Variants in PIAS2 observed in about 807,000 individuals in gnomAD.
PIAS2 encodes E3 SUMO-protein ligase PIAS2.
A neutral mutation model predicts 69.7 loss-of-function variants in PIAS2; 19 were observed. The ratio of observed to expected loss-of-function variants is 0.27; its 90% confidence interval spans 0.19 to 0.40. PIAS2 has a LOEUF of 0.40. Among genes scored for constraint, PIAS2 ranks in the 10% least tolerant of loss-of-function variants. PIAS2 has a pLI of 1.00. For synonymous variants in PIAS2, 261 were observed against 263.2 expected, an observed-to-expected ratio of 0.99 and a Z score of 0.08; for missense variants, 624 against 757.0, an observed-to-expected ratio of 0.82 and a Z score of 2.06.
At chr18:46,900,785 C>T (rs1015334145) in intron 1 of PIAS2, among the ~76,000 whole-genome samples, 3 of 151,680 alleles carry the variant, frequency 2.0e-5, no homozygotes, top group Non-Finnish European at 4.4e-5. Context: ...ACCAGCCTGG[C>T]CAAGATGGTG....
At chr18:46,904,271 C>T (rs1488722234) in intron 1 of PIAS2, 1 of 151,986 alleles carries the variant, frequency 6.6e-6, no homozygotes, top group African/African-American at 2.4e-5. Flanking sequence ...TGCAAGTGAA[C>T]TGACAATTAT....
chr18:46,910,699 G>T (rs2057162503), intron 1 of PIAS2, among the ~76,000 whole-genome samples: 1 of 152,200 alleles, frequency 6.6e-6, no homozygotes, highest in Non-Finnish European at 1.5e-5. Flanking sequence ...AAATCCCGTA[G>T]ATCGTAGACT....
At chr18:46,889,496 T>C (rs78823612) in intron 2 of PIAS2, among the ~76,000 whole-genome samples, 109 of 152,120 alleles carry the variant, frequency 7.2e-4, no homozygotes, top group African/African-American at 2.5e-3. Context: ...ATCACCATCA[T>C]TACAGACATG....
Position 46,835,672 on chromosome 18 carries a change from A to G in PIAS2, c.1202+685T>C, listed in dbSNP as rs117218470. 1.6e-3 allele frequency among the ~76,000 whole-genome samples: 246 copies of G among 152,296 alleles called. 1 individual carries two copies. Among genetic ancestry groups the G allele is most frequent in the Non-Finnish European group, 3.0e-3 (204 of 68,022 alleles). On this transcript the variant is annotated intron_variant, in intron 9 of 13. Coordinates refer to ENST00000585916, the MANE Select transcript of PIAS2 (RefSeq NM_004671.5). Reference sequence around the variant, plus strand: ...TATATTGAGTAAAAATCATATGTATATATTAATATAAATCATTACATAAAG... The same window carrying G: ...TATATTGAGTAAAAATCATATGTATGTATTAATATAAATCATTACATAAAG...
At chr18:46,828,405 C>A (rs1431397190) in intron 10 of PIAS2, among the ~76,000 whole-genome samples, 1 of 152,192 alleles carries the variant, frequency 6.6e-6, no homozygotes, top group Non-Finnish European at 1.5e-5. Flanking sequence ...TCCAATACCA[C>A]TGAAGGATTT....
intron 2 of PIAS2, among the ~76,000 whole-genome samples, chr18:46,889,671 C>T (rs540762793): frequency 6.6e-6 from 1 of 152,248 alleles, no homozygotes; most frequent in South Asian, 2.1e-4. Flanking sequence ...TATGGTGATG[C>T]CTCAAAATAC....
rs1218284156 is a variant in PIAS2 at position 46,809,144 on chromosome 18, A to G, written c.*3289T>C. The G allele has an allele frequency of 6.6e-6, 1 of 152,216 alleles. No individual in the cohort carries two copies. Among genetic ancestry groups the G allele is most frequent in the Non-Finnish European group, 1.5e-5 (1 of 68,048 alleles). The allele number at this position is 152,216 out of a possible 1,614,324, so 9.4% of individuals were successfully genotyped here. A position where few individuals can be genotyped will look rare whatever the true frequency, so the allele number is the denominator to read the frequency against. On this transcript the variant is annotated 3_prime_UTR_variant, in exon 14 of 14. Transcript: ENST00000585916. ...AAGGAAAACTTGGTTTTATACCAAG[A>G]ATTATGAATCAACCTACACTTGCTA...
chr18:46,819,701 C>G (rs2041957996), intron 12 of PIAS2, among the ~76,000 whole-genome samples: 1 of 151,992 alleles, frequency 6.6e-6, no homozygotes, highest in African/African-American at 2.4e-5. Context: ...AAACTAGTAA[C>G]AGGAGGAGAG....
chr18:46,912,851 C>T (rs1417160133), intron 1 of PIAS2, among the ~76,000 whole-genome samples: 1 of 152,036 alleles, frequency 6.6e-6, no homozygotes, highest in Non-Finnish European at 1.5e-5. Context: ...TCAGTACTGT[C>T]TGCACAAATA....
Position 46,917,356 on chromosome 18 carries a change from C to T in PIAS2, c.-11G>A. ...TTCGAAATCCGCCATTTTATACCAC[C>T]CGCGGGCGCCGCCGCCGCTGCCGCC... On this transcript the variant is annotated 5_prime_UTR_variant, in exon 1 of 14. Transcript: ENST00000585916. 3 of 1,464,570 alleles carry T rather than the reference C, an allele frequency of 2.0e-6. No homozygotes were observed. Among genetic ancestry groups the T allele is most frequent in the South Asian group, 1.3e-5 (1 of 76,932 alleles). 90.7% of individuals were successfully genotyped at this position (1,464,570 alleles called of 1,614,324 possible).
intron 5 of PIAS2, among the ~76,000 whole-genome samples, chr18:46,850,386 C>T (rs1000501864): frequency 2.6e-5 from 4 of 152,176 alleles, no homozygotes; most frequent in Non-Finnish European, 1.5e-5. Context: ...CAAACACACA[C>T]ACTTTTTCCC....
upstream of PIAS2, among the ~76,000 whole-genome samples, chr18:46,919,801 T>A (rs1464695236): frequency 6.6e-6 from 1 of 152,216 alleles, no homozygotes; most frequent in Non-Finnish European, 1.5e-5. Flanking sequence ...TAAATCTGTC[T>A]CTCCACCATT....
At chr18:46,814,439 T>C (rs1193258144) in intron 13 of PIAS2, among the ~76,000 whole-genome samples, 1 of 152,154 alleles carries the variant, frequency 6.6e-6, no homozygotes, top group Admixed American at 6.6e-5. Flanking sequence ...ACACTTTCAC[T>C]AGGTACCTTC....
intron 9 of PIAS2, 136 bp downstream of exon 9, chr18:46,836,221 G>A (rs1292646950): frequency 8.8e-6 from 6 of 679,384 alleles, no homozygotes; most frequent in South Asian, 2.3e-5. Context: ...GGTATAAGAC[G>A]GAAAACATAC....
chr18:46,870,681 A>C (rs1393213347), intron 2 of PIAS2, among the ~76,000 whole-genome samples: 1 of 149,080 alleles, frequency 6.7e-6, no homozygotes, highest in Non-Finnish European at 1.5e-5. Context: ...CATGTGGGGT[A>C]GCAGATCAAA....
chr18:46,907,111 G>C (rs1429052110), intron 1 of PIAS2, among the ~76,000 whole-genome samples: 1 of 152,094 alleles, frequency 6.6e-6, no homozygotes, highest in African/African-American at 2.4e-5. Context: ...GCAATGGAGA[G>C]GTTAAAAGTC....
intron 9 of PIAS2, among the ~76,000 whole-genome samples, chr18:46,834,482 G>A (rs2044144678): frequency 6.6e-6 from 1 of 152,096 alleles, no homozygotes; most frequent in Admixed American, 6.6e-5. Context: ...GAGGCAATTT[G>A]TAAAAGATAT....
intron 3 of PIAS2, among the ~76,000 whole-genome samples, chr18:46,856,000 T>TG (rs2047715691): frequency 8.9e-6 from 1 of 112,366 alleles, no homozygotes; most frequent in Non-Finnish European, 1.9e-5. Flanking sequence ...TTCTTTTGTT[T>TG]TTTTTTTTTT....
At chr18:46,887,115 A>G (rs1158368706) in intron 2 of PIAS2, among the ~76,000 whole-genome samples, 14 of 152,206 alleles carry the variant, frequency 9.2e-5, no homozygotes, top group Admixed American at 9.2e-4. Context: ...TACTCATAGG[A>G]CTTTGTACAA....
Sources: gnomAD v4.1 joint callset for allele counts (sites outside exome capture counted in the v4.1 genomes callset) on GRCh38, gnomAD v4.1.1 for gene constraint, MANE v1.5 for transcripts, NCBI Gene and HGNC (gene_info 2026-07-23, HGNC 2026-07-21) for gene names.